The following GTF2IRD1 variants were observed in gnomAD, a reference collection of about 807,000 sequenced individuals.
GTF2IRD1 encodes the protein GTF2I repeat domain containing 1, also known as general transcription factor II-I repeat domain-containing protein 1.
A neutral mutation model predicts 113.2 loss-of-function variants in GTF2IRD1; 26 were observed. The observed-to-expected ratio is 0.23, with a 90% CI of 0.17 to 0.32. The LOEUF (loss-of-function observed/expected upper bound fraction) is 0.32. GTF2IRD1 is among the 10% of genes least tolerant of loss of function. The pLI is 1.00. For synonymous variants in GTF2IRD1, 484 were observed against 529.1 expected, an observed-to-expected ratio of 0.91 and a Z score of 1.17; for missense variants, 864 against 1,280.8, an observed-to-expected ratio of 0.67 and a Z score of 4.97.
At chr7:74,486,093 C>G (rs1554335535) in intron 1 of GTF2IRD1, among the ~76,000 whole-genome samples, 2 of 151,948 alleles carry the variant, frequency 1.3e-5, no homozygotes, top group Non-Finnish European at 2.9e-5. Context: ...GCCTCAGCCT[C>G]CTGAGTAGCT....
chr7:74,530,920 G>C (rs1168066075), intron 9 of GTF2IRD1, among the ~76,000 whole-genome samples: 5 of 152,040 alleles, frequency 3.3e-5, no homozygotes, highest in Non-Finnish European at 7.4e-5. Flanking sequence ...TATTTAAAAA[G>C]TTAGCCAGGC....
intron 22 of GTF2IRD1, among the ~76,000 whole-genome samples, chr7:74,565,852 C>T (rs1043521160): frequency 8.6e-5 from 13 of 151,872 alleles, no homozygotes; most frequent in Non-Finnish European, 2.9e-5. Flanking sequence ...TGGGTGGTGG[C>T]GCTTGCCTGT....
chr7:74,577,735 T>C (rs1235556431), intron 22 of GTF2IRD1, among the ~76,000 whole-genome samples: 1 of 152,134 alleles, frequency 6.6e-6, no homozygotes, highest in Non-Finnish European at 1.5e-5. Context: ...TACTGCAGCC[T>C]GGACCTTCTA....
intron 1 of GTF2IRD1, among the ~76,000 whole-genome samples, chr7:74,494,181 A>T (rs997629105): frequency 6.6e-6 from 1 of 152,196 alleles, no homozygotes; most frequent in African/African-American, 2.4e-5. Context: ...TTGCAGTCAA[A>T]AGGTTGCCGG....
At chr7:74,497,268 A>T (rs782600320) in intron 1 of GTF2IRD1, among the ~76,000 whole-genome samples, 4 of 152,212 alleles carry the variant, frequency 2.6e-5, no homozygotes, top group African/African-American at 4.8e-5. Context: ...AGTGATTTGC[A>T]TACTCATGTT....
At chr7:74,575,115 C>G (rs1554364116) in intron 22 of GTF2IRD1, among the ~76,000 whole-genome samples, 1 of 151,978 alleles carries the variant, frequency 6.6e-6, no homozygotes, top group Admixed American at 6.6e-5. Flanking sequence ...CAAAAAAAAC[C>G]CAGCCTCACG....
chr7:74,487,813 AAACT>A (rs1301373039), intron 1 of GTF2IRD1, among the ~76,000 whole-genome samples: 3 of 152,216 alleles, frequency 2.0e-5, no homozygotes, highest in Admixed American at 1.3e-4. Flanking sequence ...TTTATATTTT[AAACT>A]AACAAAGATG....
intron 15 of GTF2IRD1, among the ~76,000 whole-genome samples, chr7:74,545,501 C>T (rs587773819): frequency 5.6e-4 from 85 of 152,276 alleles, no homozygotes; most frequent in Non-Finnish European, 9.9e-4. Flanking sequence ...ACAGAACCTT[C>T]CAAATCTTCA....
Position 74,518,282 on chromosome 7 carries a change from A to G in GTF2IRD1, c.565A>G (p.Ile189Val). ...AEYDPKALMA[I>V]LEHSHRIRFK... ...GTATGACCCCAAGGCCCTCATGGCC[A>G]TCCTGGAACACAGCCACCGCATCCG... The change falls in exon 5 of 27, where the codon ATC becomes GTC. Residue 189 changes from isoleucine to valine, a missense_variant. By Grantham distance (29) the Ile-to-Val change is conservative. Transcript: ENST00000424337. 1 of 1,606,186 alleles carries G rather than the reference A, an allele frequency of 6.2e-7. No homozygotes were observed.
intron 14 of GTF2IRD1, among the ~76,000 whole-genome samples, chr7:74,542,070 TG>T (rs1263665553): frequency 6.6e-6 from 1 of 150,642 alleles, no homozygotes; most frequent in Admixed American, 6.7e-5. Flanking sequence ...CACTCCAGTC[TG>T]GGTGCCACAG....
At chr7:74,537,419 A>AT (rs1798361960) in intron 11 of GTF2IRD1, among the ~76,000 whole-genome samples, 1 of 152,080 alleles carries the variant, frequency 6.6e-6, no homozygotes, top group Admixed American at 6.6e-5. Flanking sequence ...TCTCAAAAAA[A>AT]AAAAACAAAA....
At chr7:74,526,595 T>G (rs1797611463) in intron 8 of GTF2IRD1, among the ~76,000 whole-genome samples, 1 of 151,804 alleles carries the variant, frequency 6.6e-6, no homozygotes, top group Admixed American at 6.6e-5. Context: ...CCGAGGAGGG[T>G]GCATGGTGGC....
chr7:74,490,256 G>A (rs750127012), intron 1 of GTF2IRD1, among the ~76,000 whole-genome samples: 2 of 152,064 alleles, frequency 1.3e-5, no homozygotes, highest in African/African-American at 4.8e-5. Context: ...GAGCCACTGC[G>A]CCCAGTGAGA....
intron 17 of GTF2IRD1, among the ~76,000 whole-genome samples, chr7:74,554,674 G>A (rs190057900): frequency 3.3e-5 from 5 of 152,224 alleles, no homozygotes; most frequent in Non-Finnish European, 7.4e-5. Context: ...AAGTAGCTGG[G>A]ATTATAGGCA....
rs782089816 is a variant in GTF2IRD1 at position 74,521,240 on chromosome 7, A to C, written c.949A>C (p.Ile317Leu). Residue 317 changes from isoleucine to leucine, a missense_variant, in exon 7 of 27, where the codon ATC becomes CTC. Coordinates refer to ENST00000424337, the MANE Select transcript of GTF2IRD1 (RefSeq NM_005685.4). ...QKPTGPGGPL[I>L]QNVHASKRIL... ...GCCCACTGGGCCTGGTGGGCCTCTC[A>C]TCCAGAACGTCCATGCCTCCAAGCG... 7 of 1,611,160 alleles carry C rather than the reference A, an allele frequency of 4.3e-6. No individual in the cohort carries two copies. Among genetic ancestry groups the C allele is most frequent in the Non-Finnish European group, 5.9e-6 (7 of 1,177,834 alleles).
In GTF2IRD1 at chr7:74,508,164, C is replaced by G. The variant is rs781952294; in HGVS notation, c.84C>G (p.Asp28Glu). ...GGAACTCCGCGTTCACCCGCAAAGA[C>G]GAGATCATCACCAGCCTCGTGTCTG... ...DRWNSAFTRK[D>E]EIITSLVSAL... is the part of the protein sequence containing the mutation. The change falls in exon 2 of 27, where the codon GAC becomes GAG. Residue 28 changes from aspartate (D) to glutamate (E), a missense_variant. Coordinates refer to ENST00000424337, the MANE Select transcript of GTF2IRD1 (RefSeq NM_005685.4). 6.2e-7 allele frequency: 1 copy of G among 1,613,014 alleles called. No individual in the cohort carries two copies. The highest frequency in any genetic ancestry group is 1.1e-5 in the South Asian group (1 of 91,088).
chr7:74,474,177 G>A (rs536526451), intron 1 of GTF2IRD1, among the ~76,000 whole-genome samples: 1 of 152,202 alleles, frequency 6.6e-6, no homozygotes, highest in South Asian at 2.1e-4. Context: ...CGGGAGGTGA[G>A]TTCAACCACT....
intron 20 of GTF2IRD1, among the ~76,000 whole-genome samples, chr7:74,558,190 AATCGCTT>A (rs1420085796): frequency 6.6e-6 from 1 of 151,342 alleles, no homozygotes; most frequent in African/African-American, 2.4e-5. Context: ...GAAGCAGGAG[AATCGCTT>A]GAGCCTGCGA....
chr7:74,550,196 A>G (rs1268733288), intron 17 of GTF2IRD1, among the ~76,000 whole-genome samples: 2 of 152,124 alleles, frequency 1.3e-5, no homozygotes, highest in African/African-American at 4.8e-5. Flanking sequence ...TCTTGTCTCA[A>G]AAAAATAAAA....
Sources: gnomAD v4.1 joint callset for allele counts (sites outside exome capture counted in the v4.1 genomes callset) on GRCh38, gnomAD v4.1.1 for gene constraint, MANE v1.5 for transcripts, NCBI Gene and HGNC (gene_info 2026-07-23, HGNC 2026-07-21) for gene names.